Variants in AIG1 observed in about 807,000 individuals in gnomAD.
AIG1 encodes androgen-induced gene 1 protein.
A neutral mutation model predicts 31.4 loss-of-function variants in AIG1; 23 were observed. The ratio of observed to expected loss-of-function variants is 0.73; its 90% CI spans 0.53 to 1.04. AIG1 has a LOEUF of 1.04. Among genes scored for constraint, AIG1 ranks in the 50% least tolerant of loss-of-function variants. The probability of loss-of-function intolerance (pLI) is 0.00; values close to 1 mark genes in which losing one functional copy is unlikely to be tolerated. For missense variants in AIG1, 274 were observed against 295.0 expected (o/e 0.93, Z 0.52); for synonymous variants, 100 against 110.5 (o/e 0.90, Z 0.60).
At chr6:143,305,029 A>T (rs1445640567) in intron 4 of AIG1, among the ~76,000 whole-genome samples, 1 of 152,194 alleles carries the variant, frequency 6.6e-6, no homozygotes, top group East Asian at 1.9e-4. Flanking sequence ...TGTTTGTAGT[A>T]TTCTCTGATG....
intron 3 of AIG1, among the ~76,000 whole-genome samples, chr6:143,216,821 G>T (rs1056715268): frequency 6.6e-6 from 1 of 152,308 alleles, no homozygotes. Context: ...GACAGTGAGG[G>T]GAGAGGAGGA....
intron 1 of AIG1, among the ~76,000 whole-genome samples, chr6:143,081,549 C>T (rs1778257348): frequency 6.6e-6 from 1 of 151,376 alleles, no homozygotes; most frequent in Admixed American, 6.6e-5. Flanking sequence ...CTTTGTTCTC[C>T]TGAAGGAGCT....
chr6:143,264,273 C>A (rs1177942608), intron 3 of AIG1, among the ~76,000 whole-genome samples: 1 of 152,208 alleles, frequency 6.6e-6, no homozygotes, highest in African/African-American at 2.4e-5. Context: ...TCCTTATTCG[C>A]TCCTGCTCAC....
intron 4 of AIG1, among the ~76,000 whole-genome samples, chr6:143,302,421 G>T: frequency 6.7e-6 from 1 of 148,198 alleles, no homozygotes; most frequent in African/African-American, 2.5e-5. Context: ...TCCCCTTCCT[G>T]TGTCCATGTG....
chr6:143,279,209 A>T lies in AIG1; in HGVS notation c.400-4901A>T, dbSNP rs1429027776. ...TTCTAAAAGAAACTAAGACATTTTC[A>T]TGGGCCCTGGCACTGTGGCTACTGT... On this transcript the variant is annotated intron_variant, in intron 3 of 5. Coordinates refer to ENST00000357847, the MANE Select transcript of AIG1 (RefSeq NM_016108.4). The surrounding 1 kb of genome is among the most constrained non-coding windows in gnomAD (Gnocchi z 5.4). Among the ~76,000 whole-genome samples the T allele has an allele frequency of 6.6e-6, 1 of 152,208 alleles. No individual in the cohort carries two copies. The highest frequency in any genetic ancestry group is 1.5e-5 in the Non-Finnish European group (1 of 68,038).
At chr6:143,332,523 A>G (rs958713675) in intron 4 of AIG1, among the ~76,000 whole-genome samples, 1 of 152,208 alleles carries the variant, frequency 6.6e-6, no homozygotes, top group African/African-American at 2.4e-5. Context: ...AATGAAATCA[A>G]TGTCACATCT....
At chr6:143,109,580 G>T (rs1466576782) in intron 1 of AIG1, among the ~76,000 whole-genome samples, 4 of 151,880 alleles carry the variant, frequency 2.6e-5, no homozygotes, top group Admixed American at 1.3e-4. Flanking sequence ...TATTCTATTG[G>T]CTATGCAGTA....
intron 4 of AIG1, among the ~76,000 whole-genome samples, chr6:143,302,955 T>C (rs1798938829): frequency 6.6e-6 from 1 of 152,176 alleles, no homozygotes; most frequent in Non-Finnish European, 1.5e-5. Context: ...TGGTTTTGAT[T>C]TGCATTTCTC....
intron 1 of AIG1, among the ~76,000 whole-genome samples, chr6:143,112,073 G>C (rs898125207): frequency 2.0e-5 from 3 of 152,106 alleles, no homozygotes; most frequent in African/African-American, 7.2e-5. Context: ...CAGCACAAAA[G>C]CCAAGACCTT....
intron 3 of AIG1, among the ~76,000 whole-genome samples, chr6:143,255,606 T>C (rs1439600338): frequency 1.3e-5 from 2 of 152,084 alleles, no homozygotes; most frequent in Non-Finnish European, 2.9e-5. Flanking sequence ...CCATATGAAT[T>C]TTGGGGAACA....
chr6:143,259,827 C>T (rs569348906), intron 3 of AIG1, among the ~76,000 whole-genome samples: 8 of 152,202 alleles, frequency 5.3e-5, no homozygotes, highest in African/African-American at 9.6e-5. Context: ...AGAGCAGTAG[C>T]GGGGCACAAT....
chr6:143,193,495 A>G (rs1789967397), intron 3 of AIG1, among the ~76,000 whole-genome samples: 1 of 152,232 alleles, frequency 6.6e-6, no homozygotes, highest in East Asian at 1.9e-4. Flanking sequence ...CTCTCTTTTT[A>G]TATCCTCCAC....
intron 3 of AIG1, among the ~76,000 whole-genome samples, chr6:143,270,039 TA>T (rs1434056759): frequency 1.3e-5 from 2 of 152,194 alleles, no homozygotes; most frequent in Non-Finnish European, 2.9e-5. Flanking sequence ...AAACACTGGA[TA>T]CAAAAAATGT....
At chr6:143,144,691 G>C (rs978086320) in intron 2 of AIG1, among the ~76,000 whole-genome samples, 3 of 152,164 alleles carry the variant, frequency 2.0e-5, no homozygotes, top group African/African-American at 7.2e-5. Flanking sequence ...AAGCTGCTTT[G>C]AATGATCTAT....
At chr6:143,184,411 C>T (rs1789034012) in intron 3 of AIG1, among the ~76,000 whole-genome samples, 1 of 152,228 alleles carries the variant, frequency 6.6e-6, no homozygotes, top group African/African-American at 2.4e-5. Context: ...CCGTGGGCAT[C>T]ACATTCTGCC....
chr6:143,218,005 G>A (rs1455216037), intron 3 of AIG1, among the ~76,000 whole-genome samples: 1 of 152,216 alleles, frequency 6.6e-6, no homozygotes, highest in East Asian at 1.9e-4. Context: ...GCAATAGAAG[G>A]AAGTACAACA....
At chr6:143,081,285 G>A (rs1434097353) in intron 1 of AIG1, among the ~76,000 whole-genome samples, 1 of 152,050 alleles carries the variant, frequency 6.6e-6, no homozygotes, top group Non-Finnish European at 1.5e-5. Flanking sequence ...TATACCTAAC[G>A]CCTGGGATAC....
chr6:143,060,622 G>A, upstream of AIG1: 1 of 454,608 alleles, frequency 2.2e-6, no homozygotes, highest in Non-Finnish European at 4.6e-6. Context: ...GGTGTCCCGG[G>A]ACCCTGCGAA....
At chr6:143,204,860 G>C (rs1790985071) in intron 3 of AIG1, among the ~76,000 whole-genome samples, 1 of 152,106 alleles carries the variant, frequency 6.6e-6, no homozygotes, top group African/African-American at 2.4e-5. Flanking sequence ...AGGGAAAGGA[G>C]AAGGAGTCAT....
Sources: gnomAD v4.1 joint callset for allele counts (sites outside exome capture counted in the v4.1 genomes callset) on GRCh38, gnomAD v4.1.1 for gene constraint, Gnocchi (gnomAD v3.1) non-coding constraint, MANE v1.5 for transcripts, NCBI Gene and HGNC (gene_info 2026-07-23, HGNC 2026-07-21) for gene names.